Variants in NTRK2 observed in about 807,000 individuals in gnomAD.
The protein encoded by NTRK2 is BDNF/NT-3 growth factors receptor.
A neutral mutation model predicts 94.5 loss-of-function variants in NTRK2; 13 were observed. That is an observed-to-expected ratio of 0.14 (90% CI 0.09 to 0.22). The LOEUF is 0.22. Among genes scored for constraint, NTRK2 ranks in the 10% least tolerant of loss-of-function variants. NTRK2 has a pLI of 1.00. For synonymous variants in NTRK2, 372 were observed against 407.4 expected, an observed-to-expected ratio of 0.91 and a Z score of 1.05; for missense variants, 639 against 1,071.2, an observed-to-expected ratio of 0.60 and a Z score of 5.63.
rs1284607374 is a variant in NTRK2 at position 85,000,703 on chromosome 9, G to A, written c.2173-19503G>A. 2.0e-5 allele frequency among the ~76,000 whole-genome samples: 3 copies of A among 152,166 alleles called. No individual in the cohort carries two copies. The East Asian group carries it at 5.8e-4, about 29-fold the overall frequency. On this transcript the variant is annotated intron_variant, in intron 17 of 18. Transcript: ENST00000277120. ...GCTGCTTCCGAATTTTGGCAATTATGAATAAAGCGGGTGTAGACATTCATG... is the reference window on the plus strand; with the variant it reads ...GCTGCTTCCGAATTTTGGCAATTATAAATAAAGCGGGTGTAGACATTCATG...
In NTRK2 at chr9:84,730,783, CAAAA is replaced by C; in HGVS notation, c.1159+2846_1159+2849del. Among the ~76,000 whole-genome samples the C allele has an allele frequency of 4.6e-3, 112 of 24,138 alleles. 1 individual carries two copies. Among genetic ancestry groups the C allele is most frequent in the African/African-American group, 0.018 (99 of 5,636 alleles). 15.8% of individuals were successfully genotyped at this position (24,138 alleles called of 152,430 possible). A position where few individuals can be genotyped will look rare whatever the true frequency, so the allele number is the denominator to read the frequency against. ...AAACTAAAGAAAAATAAACAAATAG[CAAAA>C]AAAAAAAAAAAAAAAAAAAAATCCC... On this transcript the variant is annotated intron_variant, in intron 9 of 18. Transcript: ENST00000277120.
intron 14 of NTRK2, among the ~76,000 whole-genome samples, chr9:84,902,056 C>T (rs1375002431): frequency 1.3e-5 from 2 of 151,876 alleles, no homozygotes; most frequent in Non-Finnish European, 2.9e-5. Context: ...ATTAGCCAGG[C>T]ATGGTGGTGT....
chr9:84,864,268 A>G (rs2075468818), intron 13 of NTRK2, among the ~76,000 whole-genome samples: 1 of 152,050 alleles, frequency 6.6e-6, no homozygotes, highest in Non-Finnish European at 1.5e-5. Context: ...ATATTGCTGG[A>G]TCTCTGACAG....
rs147547105 is a variant in NTRK2, at chr9:84,866,372, A to G, written c.1445-871A>G. On this transcript the variant is annotated intron_variant, in intron 13 of 18. Coordinates refer to ENST00000277120, the MANE Select transcript of NTRK2 (RefSeq NM_006180.6). ...CGTTCTAGTGTCATAAAATAAGCAA[A>G]TATTATTTTGCATATAAGTCGATGT... is the stretch of plus-strand genomic sequence containing the variant. Among the ~76,000 whole-genome samples, 49 of 152,330 alleles carry G rather than the reference A, an allele frequency of 3.2e-4. 1 individual carries two copies. In the East Asian group the frequency reaches 7.9e-3, roughly 25 times the overall value.
chr9:84,820,598 A>G (rs906997852), intron 12 of NTRK2, among the ~76,000 whole-genome samples: 18 of 152,192 alleles, frequency 1.2e-4, no homozygotes, highest in Admixed American at 5.2e-4. Flanking sequence ...CAATATTTCT[A>G]TGTTACAAGG....
intron 12 of NTRK2, among the ~76,000 whole-genome samples, chr9:84,752,292 A>C (rs2132501802): frequency 6.6e-6 from 1 of 152,226 alleles, no homozygotes; most frequent in East Asian, 1.9e-4. Context: ...CCATGAGAAC[A>C]GTTGTCCCGG....
At chr9:84,929,886 G>T (rs573964590) in intron 14 of NTRK2, among the ~76,000 whole-genome samples, 50 of 152,238 alleles carry the variant, frequency 3.3e-4, no homozygotes, top group African/African-American at 1.1e-3. Flanking sequence ...TATTACAGTT[G>T]CTTATGTTGG....
intron 6 of NTRK2, among the ~76,000 whole-genome samples, chr9:84,715,748 T>C (rs568604016): frequency 6.6e-6 from 1 of 152,290 alleles, no homozygotes; most frequent in East Asian, 1.9e-4. Flanking sequence ...CTTCAAGTGT[T>C]TCTAATGAAA....
chr9:84,803,482 TA>T (rs1285217489), intron 12 of NTRK2, among the ~76,000 whole-genome samples: 1 of 152,124 alleles, frequency 6.6e-6, no homozygotes, highest in Non-Finnish European at 1.5e-5. Flanking sequence ...AGTGGGCTGT[TA>T]ATGTCCTCAC....
rs147900763 is a variant in NTRK2, at chr9:84,953,824, T to C, written c.1938-1459T>C. Reference sequence around the variant, plus strand: ...TAAAGGGCTTCCCAGGATCATGGCATTGGACGCTGGTAGGCCTGGGAGACC... The same window carrying C: ...TAAAGGGCTTCCCAGGATCATGGCACTGGACGCTGGTAGGCCTGGGAGACC... On this transcript the variant is annotated intron_variant, in intron 16 of 18. Transcript: ENST00000277120. 8.7e-4 allele frequency among the ~76,000 whole-genome samples: 132 copies of C among 152,350 alleles called. 1 individual carries two copies. Among genetic ancestry groups the C allele is most frequent in the African/African-American group, 2.9e-3 (121 of 41,588 alleles).
intron 17 of NTRK2, among the ~76,000 whole-genome samples, chr9:84,955,930 A>AT (rs535054278): frequency 7.4e-4 from 113 of 152,296 alleles, no homozygotes; most frequent in African/African-American, 2.6e-3. Flanking sequence ...TTATCAACGT[A>AT]TAAATTTTGG....
Position 84,669,770 on chromosome 9 carries a change from A to T in NTRK2, c.-491A>T, listed in dbSNP as rs923181034. Reference sequence around the variant, plus strand: ...AGAGGCGGCGGCGGCGGCTCCCGGAATTGGGTTGGAGCAGGAGCCTCGCTG... The same window carrying T: ...AGAGGCGGCGGCGGCGGCTCCCGGATTTGGGTTGGAGCAGGAGCCTCGCTG... On this transcript the variant is annotated 5_prime_UTR_variant, in exon 1 of 19. Coordinates refer to ENST00000277120, the MANE Select transcript of NTRK2 (RefSeq NM_006180.6). This position sits in a 1 kb window ranked among gnomAD's most constrained non-coding sequence, Gnocchi z 4.1. The T allele has an allele frequency of 6.5e-6, 1 of 153,280 alleles. No homozygotes were observed. The highest frequency in any genetic ancestry group is 6.5e-5 in the Admixed American group (1 of 15,290). 9.5% of individuals were successfully genotyped at this position (153,280 alleles called of 1,614,324 possible).
rs565577501 is a variant in NTRK2 at position 84,766,210 on chromosome 9, G to A, written c.1396+14125G>A. ...GATGACACTGGGGCCAAGAGTGAGAGAAAGTGAGGGAGGGAGCTCGCTGAT... is the reference window on the plus strand; with the variant it reads ...GATGACACTGGGGCCAAGAGTGAGAAAAAGTGAGGGAGGGAGCTCGCTGAT... On this transcript the variant is annotated intron_variant, in intron 12 of 18. Transcript: ENST00000277120. Among the ~76,000 whole-genome samples, 3 of 152,256 alleles carry A rather than the reference G, an allele frequency of 2.0e-5. No homozygotes were observed. The East Asian group carries it at 5.8e-4, about 29-fold the overall frequency.
rs2066663447 is a variant in NTRK2 at position 84,772,591 on chromosome 9, T to A, written c.1396+20506T>A. On this transcript the variant is annotated intron_variant, in intron 12 of 18. Transcript: ENST00000277120. ...ATGTGTACATCATACCTGTGTGATG[T>A]ACCTCTAGAAGTTTGTAGTCTAGAG... Among the ~76,000 whole-genome samples the A allele has an allele frequency of 2.0e-5, 3 of 152,180 alleles. No individual in the cohort carries two copies. In the South Asian group the frequency reaches 6.2e-4, roughly 32 times the overall value.
intron 12 of NTRK2, among the ~76,000 whole-genome samples, chr9:84,847,236 C>G (rs2074516538): frequency 1.3e-5 from 2 of 152,160 alleles, no homozygotes; most frequent in East Asian, 3.8e-4. Flanking sequence ...AACTTGGGTG[C>G]ATGAAAGGAC....
intron 12 of NTRK2, among the ~76,000 whole-genome samples, chr9:84,775,208 G>A (rs986479337): frequency 6.6e-6 from 1 of 152,150 alleles, no homozygotes; most frequent in African/African-American, 2.4e-5. Context: ...ATAGGGCCTG[G>A]GCCTAGAGGC....
intron 2 of NTRK2, among the ~76,000 whole-genome samples, chr9:84,700,974 G>C (rs958680642): frequency 1.3e-5 from 2 of 152,154 alleles, no homozygotes; most frequent in African/African-American, 4.8e-5. Context: ...TGGGTACTGA[G>C]CCAGGTGCTG....
At position 84,939,068 on chromosome 9, in the gene NTRK2, A is replaced by G. The variant is rs560822769; in HGVS notation, c.1764+4776A>G. 1.5e-4 allele frequency among the ~76,000 whole-genome samples: 20 copies of G among 134,542 alleles called. No individual in the cohort carries two copies. The South Asian group carries it at 4.3e-3, about 29-fold the overall frequency. The allele number at this position is 134,542 out of a possible 152,430, so 88.3% of individuals were successfully genotyped here. On this transcript the variant is annotated intron_variant, in intron 15 of 18. Transcript: ENST00000277120. ...CCCCAACTCAAAAAAAAAAAAAAAA[A>G]AAAGAAAAGAAAAGAAAAAAAAAGA...
In NTRK2 at chr9:84,683,863, CT is replaced by C. The variant is rs201523363; in HGVS notation, c.212+12908del. Among the ~76,000 whole-genome samples the C allele has an allele frequency of 1.1e-4, 16 of 152,282 alleles. No individual in the cohort carries two copies. The East Asian group carries it at 2.7e-3, about 26-fold the overall frequency. On this transcript the variant is annotated intron_variant, in intron 2 of 18. Transcript: ENST00000277120. ...CTTGCCAGCATCTATTGCTTCCTGA[CT>C]TTTTAAGAATCGCCATTCTGACTGG...
Sources: gnomAD v4.1 joint callset for allele counts (sites outside exome capture counted in the v4.1 genomes callset) on GRCh38, gnomAD v4.1.1 for gene constraint, Gnocchi (gnomAD v3.1) non-coding constraint, MANE v1.5 for transcripts, NCBI Gene and HGNC (gene_info 2026-07-23, HGNC 2026-07-21) for gene names.